ZNF630: variants seen among roughly 807,000 people sequenced by gnomAD.
The protein encoded by ZNF630 is dJ54B20.2 (novel KRAB box containing C2H2 type zinc finger protein).
ZNF630 carries 5 observed loss-of-function variants against 7.2 expected under a neutral mutation model. That is an observed-to-expected ratio of 0.70 (90% CI 0.36 to 1.46). The LOEUF is 1.46. Ranked by LOEUF, ZNF630 falls within the 40% of genes most tolerant of loss-of-function variation. ZNF630 has a pLI of 0.03. For missense variants in ZNF630, 461 were observed against 477.0 expected, an observed-to-expected ratio of 0.97 and a Z score of 0.31; for synonymous variants, 158 against 162.8, an observed-to-expected ratio of 0.97 and a Z score of 0.23.
Position 48,060,480 on chromosome X carries a change from C to G in ZNF630, c.208G>C (p.Glu70Gln). The change falls in exon 4 of 5, where the codon GAG (glutamate) becomes CAG (glutamine). Residue 70 changes from glutamate to glutamine, a missense_variant. Transcript: ENST00000276054. Reference sequence around the variant, plus strand: ...TAGATCCACCTTGACAACTCACTCTCTATGATCCATGGGTCCTTTCCATGT... The same window carrying G: ...TAGATCCACCTTGACAACTCACTCTGTATGATCCATGGGTCCTTTCCATGT... Reference protein sequence around the residue: ...LEHGKDPWIIESELSRWIYPD... With the variant: ...LEHGKDPWIIQSELSRWIYPD... 1 of 1,207,329 alleles carries G rather than the reference C, an allele frequency of 8.3e-7. No individual in the cohort carries two copies. The highest frequency in any genetic ancestry group is 1.1e-6 in the Non-Finnish European group (1 of 892,574).
Position 48,059,536 on chromosome X carries a change from C to T in ZNF630, c.906G>A (p.Glu302=). ...VCGDCRKAFS[E]KSHLIVHQRI... ...TCTGATGCACAATGAGGTGTGATTT[C>T]TCACTGAAGGCTTTCCTACAATCTC... The change falls in exon 5 of 5, where the codon GAG becomes GAA. Residue 302 remains glutamate (E), a synonymous_variant. Transcript: ENST00000276054. The T allele has an allele frequency of 8.3e-7, 1 of 1,207,911 alleles. No homozygotes were observed. The highest frequency in any genetic ancestry group is 1.7e-5 in the African/African-American group (1 of 57,358).
chrX:48,058,544 C>T lies in ZNF630; in HGVS notation c.1898G>A (p.Gly633Glu). 2 of 1,207,147 alleles carry T rather than the reference C, an allele frequency of 1.7e-6. No individual in the cohort carries two copies. Among genetic ancestry groups the T allele is most frequent in the South Asian group, 1.8e-5 (1 of 56,530 alleles). The change falls in exon 5 of 5, where the codon GGG (glycine) becomes GAG (glutamate). Residue 633 changes from glycine (G) to glutamate (E), a missense_variant. Coordinates refer to ENST00000276054, the MANE Select transcript of ZNF630 (RefSeq NM_001282201.2). ...GEKPSRCSDC[G>E]KAFCQHVYFT... ...GTATACATGCTGGCAGAATGCCTTCCCACAGTCACTGCATCTGGAGGGTTT... is the reference window on the plus strand; with the variant it reads ...GTATACATGCTGGCAGAATGCCTTCTCACAGTCACTGCATCTGGAGGGTTT...
chrX:48,060,386 G>T, intron 4 of ZNF630, 64 bp downstream of exon 4: 1 of 1,070,658 alleles, frequency 9.3e-7, no homozygotes, highest in South Asian at 2.0e-5. Context: ...AAAAGGTAAC[G>T]GATGTCAGAG....
At position 48,063,802 on chromosome X, in the gene ZNF630, C is replaced by T. The variant is rs370181041; in HGVS notation, c.16-2857G>A. On this transcript the variant is annotated intron_variant, in intron 2 of 4. Coordinates refer to ENST00000276054, the MANE Select transcript of ZNF630 (RefSeq NM_001282201.2). Reference sequence around the variant, plus strand: ...ACTCCGGAGGCTGAGGCATGAGAATCGCTTGAACCTGGGAGGCGGAGGTTA... The same window carrying T: ...ACTCCGGAGGCTGAGGCATGAGAATTGCTTGAACCTGGGAGGCGGAGGTTA... Among the ~76,000 whole-genome samples the T allele has an allele frequency of 4.5e-5, 5 of 110,815 alleles. No homozygotes were observed. In the East Asian group the frequency reaches 8.5e-4, roughly 19 times the overall value.
chrX:48,059,745 C>T lies in ZNF630; in HGVS notation c.697G>A (p.Glu233Lys), dbSNP rs1556908742. The part of the protein sequence containing the change: ...EKEGFIHTGM[E>K]PYGDSQCEKV... ...TCACATTGACTATCTCCATAGGGCT[C>T]CATTCCAGTATGAATGAAGCCTTCC... Residue 233 changes from glutamate (E) to lysine (K), a missense_variant, in exon 5 of 5, where the codon GAG becomes AAG. Physicochemically the swap from Glu to Lys is moderately conservative, Grantham distance 56 (BLOSUM62 1). Transcript: ENST00000276054. 1 of 1,208,031 alleles carries T rather than the reference C, an allele frequency of 8.3e-7. No homozygotes were observed. Among genetic ancestry groups the T allele is most frequent in the South Asian group, 1.8e-5 (1 of 56,874 alleles).
intron 2 of ZNF630, 76 bp downstream of exon 2, chrX:48,066,796 C>A (rs2059133123): frequency 1.7e-6 from 2 of 1,154,309 alleles, no homozygotes; most frequent in Admixed American, 2.2e-5. Flanking sequence ...CTCTAAATTT[C>A]TCTAATCCTT....
At chrX:48,063,376 C>T (rs2059116099) in intron 2 of ZNF630, among the ~76,000 whole-genome samples, 1 of 109,039 alleles carries the variant, frequency 9.2e-6, no homozygotes, top group East Asian at 2.9e-4. Context: ...CAGAGAAATA[C>T]AATATGGAAA....
At position 48,059,875 on chromosome X, in the gene ZNF630, T is replaced by G. The variant is rs782178025; in HGVS notation, c.567A>C (p.Ser189=). The change falls in exon 5 of 5, where the codon TCA becomes TCC. Residue 189 remains serine, a synonymous_variant. Coordinates refer to ENST00000276054, the MANE Select transcript of ZNF630 (RefSeq NM_001282201.2). Reference sequence around the variant, plus strand: ...AGCTCCTGTTATAATTTAGTAAGTCTGAATTAGACTTCAAGCTATTTTCAC... The same window carrying G: ...AGCTCCTGTTATAATTTAGTAAGTCGGAATTAGACTTCAAGCTATTTTCAC... ...DSCENSLKSN[S]DLLNYNRSYA... 1.7e-6 allele frequency: 2 copies of G among 1,208,200 alleles called. No individual in the cohort carries two copies. Among genetic ancestry groups the G allele is most frequent in the Non-Finnish European group, 2.2e-6 (2 of 893,168 alleles).
chrX:48,069,318 C>T (rs1317966310), intron 1 of ZNF630, among the ~76,000 whole-genome samples: 1 of 109,231 alleles, frequency 9.2e-6, no homozygotes, highest in Non-Finnish European at 1.9e-5. Context: ...GGGGGTGATA[C>T]TGCCCCCAAG....
rs140955748 is a variant in ZNF630, at chrX:48,062,422, A to G, written c.16-1477T>C. 5.9e-3 allele frequency among the ~76,000 whole-genome samples: 664 copies of G among 112,505 alleles called. 10 individuals are homozygous for G. The highest frequency in any genetic ancestry group is 0.021 in the African/African-American group (645 of 30,895). ...GCTACAATCTCCATAAGGGAATACTATATGCAATTATAAAAAGCAACAAAG... is the reference window on the plus strand; with the variant it reads ...GCTACAATCTCCATAAGGGAATACTGTATGCAATTATAAAAAGCAACAAAG... On this transcript the variant is annotated intron_variant, in intron 2 of 4. Coordinates refer to ENST00000276054, the MANE Select transcript of ZNF630 (RefSeq NM_001282201.2).
In ZNF630 at chrX:48,058,978, C is replaced by T. The variant is rs1440842531; in HGVS notation, c.1464G>A (p.Met488Ile). Residue 488 changes from methionine to isoleucine, a missense_variant, in exon 5 of 5, where the codon ATG becomes ATA. Physicochemically the swap from Met to Ile is conservative, Grantham distance 10. Coordinates refer to ENST00000276054, the MANE Select transcript of ZNF630 (RefSeq NM_001282201.2). ...AGAAGGATTTTCCACATTCAGTACA[C>T]ATATAAGGTTTCTCTCCAGTATGAA... ...QRLHTGEKPY[M>I]CTECGKSFSQ... 4 of 1,207,235 alleles carry T rather than the reference C, an allele frequency of 3.3e-6. No homozygotes were observed. The highest frequency in any genetic ancestry group is 4.5e-6 in the Non-Finnish European group (4 of 892,815).
intron 2 of ZNF630, among the ~76,000 whole-genome samples, chrX:48,063,757 A>T (rs1603236347): frequency 9.1e-6 from 1 of 110,467 alleles, no homozygotes; most frequent in East Asian, 2.8e-4. Context: ...GCGTGGTGGC[A>T]GGCACTTGTA....
intron 1 of ZNF630, among the ~76,000 whole-genome samples, chrX:48,068,982 G>C (rs1556910571): frequency 9.0e-6 from 1 of 111,399 alleles, no homozygotes; most frequent in Non-Finnish European, 1.9e-5. Flanking sequence ...GCTCACACCT[G>C]TCATCCCAGT....
At chrX:48,068,895 T>C (rs1301531084) in intron 1 of ZNF630, among the ~76,000 whole-genome samples, 5 of 111,595 alleles carry the variant, frequency 4.5e-5, no homozygotes, top group African/African-American at 1.6e-4. Flanking sequence ...GAAACATCAC[T>C]GTAAAATGAA....
chrX:48,061,854 A>G lies in ZNF630; in HGVS notation c.16-909T>C, dbSNP rs782175306. ...CCCACCCCCGTGGAACTGTGAGTCA[A>G]TTAAACCTCTCTCCTTTATAAATTA... On this transcript the variant is annotated intron_variant, in intron 2 of 4. Coordinates refer to ENST00000276054, the MANE Select transcript of ZNF630 (RefSeq NM_001282201.2). The G allele has an allele frequency of 3.7e-4, 109 of 291,033 alleles. 3 individuals are homozygous for G. Among genetic ancestry groups the G allele is most frequent in the African/African-American group, 2.9e-3 (104 of 36,230 alleles). The allele number at this position is 291,033 out of a possible 1,213,427, so 24.0% of individuals were successfully genotyped here. A position where few individuals can be genotyped will look rare whatever the true frequency, so the allele number is the denominator to read the frequency against.
intron 2 of ZNF630, among the ~76,000 whole-genome samples, chrX:48,064,645 G>A (rs2059121763): frequency 9.0e-6 from 1 of 111,531 alleles, no homozygotes; most frequent in Admixed American, 9.5e-5. Context: ...GTATTTTTTT[G>A]TAGAGATGCG....
Position 48,060,119 on chromosome X carries a change from T to C in ZNF630, c.323A>G (p.Lys108Arg), listed in dbSNP as rs782169846. 1.1e-4 allele frequency: 124 copies of C among 1,172,505 alleles called. No individual in the cohort carries two copies. In the South Asian group the frequency reaches 2.0e-3, roughly 19 times the overall value. The part of the protein sequence containing the change: ...FQREILERAP[K>R]DNSLYSVLKI... ...TAAAACAGAGTACAATGAATTATCCTTTGGGGCTCTTTCTAGTATCTCCCT... is the reference window on the plus strand; with the variant it reads ...TAAAACAGAGTACAATGAATTATCCCTTGGGGCTCTTTCTAGTATCTCCCT... Residue 108 changes from lysine to arginine, a missense_variant, in exon 5 of 5, where the codon AAG (lysine) becomes AGG (arginine). Transcript: ENST00000276054.
In ZNF630 at chrX:48,060,561, T is replaced by A. The variant is rs1349567805; in HGVS notation, c.143-16A>T. 5.9e-6 allele frequency: 7 copies of A among 1,176,806 alleles called. No individual in the cohort carries two copies. The African/African-American group carries it at 1.3e-4, about 21-fold the overall frequency. ...CCTGAACACCCTGTTAAGAGAAAATTGTAGTGGCTTTGGCCTTGGCAGCTC... is the reference window on the plus strand; with the variant it reads ...CCTGAACACCCTGTTAAGAGAAAATAGTAGTGGCTTTGGCCTTGGCAGCTC... On this transcript the variant is annotated splice_polypyrimidine_tract_variant and intron_variant, in intron 3 of 4. Coordinates refer to ENST00000276054, the MANE Select transcript of ZNF630 (RefSeq NM_001282201.2).
At chrX:48,067,497 G>A (rs928982544) in intron 1 of ZNF630, among the ~76,000 whole-genome samples, 44 of 111,820 alleles carry the variant, frequency 3.9e-4, no homozygotes, top group Non-Finnish European at 6.6e-4. Flanking sequence ...AAATAATAAA[G>A]ACTACCCATG....
Sources: gnomAD v4.1 joint callset for allele counts (sites outside exome capture counted in the v4.1 genomes callset) on GRCh38, gnomAD v4.1.1 for gene constraint, MANE v1.5 for transcripts, NCBI Gene and HGNC (gene_info 2026-07-23, HGNC 2026-07-21) for gene names.